TMED8: variants seen among roughly 807,000 people sequenced by gnomAD.
TMED8 encodes the protein transmembrane p24 trafficking protein family member 8, also known as protein TMED8.
Under a neutral mutation model 32.7 loss-of-function variants are expected in TMED8, and 15 were observed. The observed-to-expected ratio is 0.46, with a 90% CI of 0.31 to 0.71. The LOEUF (loss-of-function observed/expected upper bound fraction) is 0.71, where lower values mean the gene tolerates loss of function less well. TMED8 is among the 30% of genes least tolerant of loss of function. The probability of loss-of-function intolerance (pLI) is 0.06; values close to 1 mark genes in which losing one functional copy is unlikely to be tolerated. For missense variants in TMED8, 390 were observed against 423.9 expected (o/e 0.92, Z 0.70); for synonymous variants, 147 against 161.4 (o/e 0.91, Z 0.68).
At position 77,376,299 on chromosome 14, in the gene TMED8, T is replaced by C. The variant is rs1225797998; in HGVS notation, c.118+637A>G. 6.6e-6 allele frequency among the ~76,000 whole-genome samples: 1 copy of C among 152,212 alleles called. No individual in the cohort carries two copies. Among genetic ancestry groups the C allele is most frequent in the African/African-American group, 2.4e-5 (1 of 41,458 alleles). ...GGTAGGCCAAATTTTTAATTCCTGCTCTTGCTTTGGCTACTGTGTTCAAGC... is the reference window on the plus strand; with the variant it reads ...GGTAGGCCAAATTTTTAATTCCTGCCCTTGCTTTGGCTACTGTGTTCAAGC... On this transcript the variant is annotated intron_variant, in intron 1 of 5. Transcript: ENST00000216468. The surrounding 1 kb of genome is among the most constrained non-coding windows in gnomAD (Gnocchi z 4.0).
chr14:77,346,357 G>A lies in TMED8; in HGVS notation c.319C>T (p.Leu107Phe), dbSNP rs368203861. The change falls in exon 3 of 6, where the codon CTC becomes TTC. Residue 107 changes from leucine (L) to phenylalanine (F), a missense_variant. Physicochemically the swap from Leu to Phe is conservative, Grantham distance 22. Coordinates refer to ENST00000216468, the MANE Select transcript of TMED8 (RefSeq NM_213601.3). ...DLLPADQAQVLNEMAKYQVPQ... is the reference protein window; with the variant it reads ...DLLPADQAQVFNEMAKYQVPQ... ...CAGAATCTGCCCCCTACCTCATTGA[G>A]GACCTGGGCCTGGTCTGCAGGCAGC... 1.2e-6 allele frequency: 2 copies of A among 1,614,072 alleles called. No individual in the cohort carries two copies. The highest frequency in any genetic ancestry group is 2.7e-5 in the African/African-American group (2 of 75,030).
rs551459693 is a variant in TMED8 at position 77,376,934 on chromosome 14, A to C, written c.118+2T>G. 6.9e-7 allele frequency: 1 copy of C among 1,446,766 alleles called. No individual in the cohort carries two copies. Among genetic ancestry groups the C allele is most frequent in the African/African-American group, 1.5e-5 (1 of 67,544 alleles). 89.6% of individuals were successfully genotyped at this position (1,446,766 alleles called of 1,614,324 possible). ...ACCCGCCAGCGCCCCGGCCTTGCGT[A>C]CCTGAGGCGGCCGCCTGGCTCCCCT... is the stretch of plus-strand genomic sequence containing the variant. On this transcript the variant is annotated splice_donor_variant, in intron 1 of 5. Transcript: ENST00000216468. LOFTEE classifies it high-confidence loss of function. This position sits in a 1 kb window ranked among gnomAD's most constrained non-coding sequence, Gnocchi z 4.0.
At chr14:77,362,651 T>C (rs894035824) in intron 1 of TMED8, among the ~76,000 whole-genome samples, 4 of 151,894 alleles carry the variant, frequency 2.6e-5, no homozygotes, top group African/African-American at 9.7e-5. Flanking sequence ...TGAATGTAAA[T>C]GGATTAAGTT....
intron 1 of TMED8, among the ~76,000 whole-genome samples, chr14:77,367,627 T>C (rs1050657144): frequency 6.6e-6 from 1 of 152,156 alleles, no homozygotes; most frequent in Non-Finnish European, 1.5e-5. Context: ...TTTTGATTGA[T>C]GCATCCATCA....
intron 1 of TMED8, among the ~76,000 whole-genome samples, chr14:77,371,374 T>C (rs1401040724): frequency 6.6e-6 from 1 of 152,176 alleles, no homozygotes; most frequent in East Asian, 1.9e-4. Context: ...CTTATTATGA[T>C]TTAGGTTGAG....
chr14:77,343,107 C>A (rs1296612809), intron 5 of TMED8, 71 bp downstream of exon 5: 3 of 1,492,476 alleles, frequency 2.0e-6, no homozygotes, highest in Non-Finnish European at 1.8e-6. Flanking sequence ...AGGACTGGTA[C>A]AACCCACAAA....
chr14:77,362,705 C>A lies in TMED8; in HGVS notation c.119-10954G>T, dbSNP rs984113135. Among the ~76,000 whole-genome samples the A allele has an allele frequency of 1.1e-4, 16 of 152,044 alleles. 1 individual carries two copies. In the East Asian group the frequency reaches 2.9e-3, roughly 27 times the overall value. ...GAGTGGGTGAATGGATTAAAAAAAA[C>A]TAAGATCCAACCTATATGCTGCCCA... On this transcript the variant is annotated intron_variant, in intron 1 of 5. Coordinates refer to ENST00000216468, the MANE Select transcript of TMED8 (RefSeq NM_213601.3).
At position 77,341,958 on chromosome 14, in the gene TMED8, C is replaced by G. The variant is rs749762913; in HGVS notation, c.791G>C (p.Gly264Ala). ...EPVPAGDVERGSRSSLRGRYG... is the reference protein window; with the variant it reads ...EPVPAGDVERASRSSLRGRYG... ...GCGACCCCGCAAGGAGCTCCTGGAG[C>G]CTCTCTCCACATCTCCAGCTGGAAC... Residue 264 changes from glycine (G) to alanine (A), a missense_variant, in exon 6 of 6, where the codon GGC becomes GCC. Transcript: ENST00000216468. 2 of 1,614,044 alleles carry G rather than the reference C, an allele frequency of 1.2e-6. No individual in the cohort carries two copies. The highest frequency in any genetic ancestry group is 2.2e-5 in the South Asian group (2 of 91,082).
intron 2 of TMED8, among the ~76,000 whole-genome samples, chr14:77,349,927 T>C (rs1265414526): frequency 2.6e-5 from 4 of 152,244 alleles, no homozygotes; most frequent in African/African-American, 4.8e-5. Context: ...TTAGGAATGC[T>C]ACCAATCTGA....
rs896399460 is a variant in TMED8, at chr14:77,336,838, A to G, written c.*4933T>C. On this transcript the variant is annotated 3_prime_UTR_variant, in exon 6 of 6. Transcript: ENST00000216468. ...GGTTAAAAGGCAACCTTCTGCAGAT[A>G]AGTGGTCTTAACAAACAAATATAAA... 8 of 152,208 alleles carry G rather than the reference A, an allele frequency of 5.3e-5. No individual in the cohort carries two copies. Among genetic ancestry groups the G allele is most frequent in the Admixed American group, 4.6e-4 (7 of 15,276 alleles). The allele number at this position is 152,208 out of a possible 1,614,324, so 9.4% of individuals were successfully genotyped here.
chr14:77,366,736 T>C (rs1352697867), intron 1 of TMED8, among the ~76,000 whole-genome samples: 1 of 152,192 alleles, frequency 6.6e-6, no homozygotes, highest in Non-Finnish European at 1.5e-5. Flanking sequence ...TTTGTAGGCA[T>C]CACCATATTG....
chr14:77,370,627 AG>A (rs1225056814), intron 1 of TMED8, among the ~76,000 whole-genome samples: 1 of 152,192 alleles, frequency 6.6e-6, no homozygotes, highest in African/African-American at 2.4e-5. Flanking sequence ...AAATTCAAAA[AG>A]CATATAAGTA....
At chr14:77,342,044 G>A in intron 5 of TMED8, 56 bp from the exon 6 acceptor site, 1 of 1,513,640 alleles carries the variant, frequency 6.6e-7, no homozygotes, top group Non-Finnish European at 9.1e-7. Flanking sequence ...GCCTGAAGGT[G>A]AGCGGAAGGA....
At chr14:77,349,672 G>C (rs562330411) in intron 2 of TMED8, among the ~76,000 whole-genome samples, 2 of 152,226 alleles carry the variant, frequency 1.3e-5, no homozygotes, top group South Asian at 4.1e-4. Flanking sequence ...TATAAAATGT[G>C]TGCCCCTTCC....
In TMED8 at chr14:77,339,646, C is replaced by T. The variant is rs1300784952; in HGVS notation, c.*2125G>A. The T allele has an allele frequency of 6.6e-6, 1 of 152,208 alleles. No individual in the cohort carries two copies. Among genetic ancestry groups the T allele is most frequent in the East Asian group, 1.9e-4 (1 of 5,202 alleles). The allele number at this position is 152,208 out of a possible 1,614,324, so 9.4% of individuals were successfully genotyped here. On this transcript the variant is annotated 3_prime_UTR_variant, in exon 6 of 6. Coordinates refer to ENST00000216468, the MANE Select transcript of TMED8 (RefSeq NM_213601.3). ...GATGCAAGAGCGGTCACTCAGCTAT[C>T]CAATGGGATGACACACAGCAAATCA...
rs1893409388 is a variant in TMED8, at chr14:77,360,447, G to A, written c.119-8696C>T. Among the ~76,000 whole-genome samples, 3 of 151,652 alleles carry A rather than the reference G, an allele frequency of 2.0e-5. No homozygotes were observed. In the South Asian group the frequency reaches 6.2e-4, roughly 32 times the overall value. Reference sequence around the variant, plus strand: ...TTACATATATAAGAGAGATCGAGCAGTATTTTTCTTTTTGTGTCTGGCTTA... The same window carrying A: ...TTACATATATAAGAGAGATCGAGCAATATTTTTCTTTTTGTGTCTGGCTTA... On this transcript the variant is annotated intron_variant, in intron 1 of 5. Coordinates refer to ENST00000216468, the MANE Select transcript of TMED8 (RefSeq NM_213601.3).
chr14:77,343,107 C>T (rs1296612809), intron 5 of TMED8, 71 bp downstream of exon 5: 1 of 1,492,476 alleles, frequency 6.7e-7, no homozygotes, highest in East Asian at 2.3e-5. Context: ...AGGACTGGTA[C>T]AACCCACAAA....
chr14:77,365,848 T>C (rs1001236820), intron 1 of TMED8, among the ~76,000 whole-genome samples: 1 of 152,154 alleles, frequency 6.6e-6, no homozygotes, highest in African/African-American at 2.4e-5. Context: ...ATTTTTTTGG[T>C]ACAATTCTAT....
intron 1 of TMED8, among the ~76,000 whole-genome samples, chr14:77,365,513 A>T (rs899014563): frequency 6.6e-6 from 1 of 152,240 alleles, no homozygotes; most frequent in African/African-American, 2.4e-5. Flanking sequence ...GTCAAGTGGA[A>T]AAGGGCACTG....
Sources: allele counts gnomAD v4.1 joint callset (sites outside exome capture counted in the v4.1 genomes callset), GRCh38; gene constraint gnomAD v4.1.1; non-coding constraint Gnocchi (gnomAD v3.1); transcripts MANE v1.5; gene names NCBI Gene and HGNC (gene_info 2026-07-23, HGNC 2026-07-21).